The following ADAMTS16 variants were observed in gnomAD, a reference collection of about 807,000 sequenced individuals.
The protein encoded by ADAMTS16 is ADAM metallopeptidase with thrombospondin type 1 motif 16.
In ADAMTS16, 94 loss-of-function variants were observed where a neutral mutation model predicts 145.8. The ratio of observed to expected loss-of-function variants is 0.64; its 90% confidence interval spans 0.55 to 0.77. The LOEUF (loss-of-function observed/expected upper bound fraction) is 0.77, where lower values mean the gene tolerates loss of function less well. Among genes scored for constraint, ADAMTS16 ranks in the 30% least tolerant of loss-of-function variants. The pLI is 0.00. For synonymous variants in ADAMTS16, 659 were observed against 604.3 expected, an observed-to-expected ratio of 1.09 and a Z score of -1.33; for missense variants, 1,585 against 1,591.5, an observed-to-expected ratio of 1.00 and a Z score of 0.07.
At chr5:5,145,228 G>T (rs1034012721) in intron 2 of ADAMTS16, among the ~76,000 whole-genome samples, 3 of 152,180 alleles carry the variant, frequency 2.0e-5, no homozygotes, top group African/African-American at 7.2e-5. Flanking sequence ...CCAAATCACT[G>T]TGAGAATAAT....
intron 17 of ADAMTS16, among the ~76,000 whole-genome samples, chr5:5,245,037 C>T (rs192428779): frequency 8.5e-5 from 13 of 152,276 alleles, no homozygotes; most frequent in Admixed American, 8.5e-4. Context: ...GATCTCATTA[C>T]TCAATTTTAA....
intron 18 of ADAMTS16, among the ~76,000 whole-genome samples, chr5:5,264,981 A>T (rs981172996): frequency 6.6e-6 from 1 of 152,178 alleles, no homozygotes; most frequent in African/African-American, 2.4e-5. Flanking sequence ...CCACCCAGAC[A>T]GGCCTCCAGC....
chr5:5,271,782 C>T (rs1049350566), intron 18 of ADAMTS16, among the ~76,000 whole-genome samples: 3 of 152,130 alleles, frequency 2.0e-5, no homozygotes, highest in Non-Finnish European at 4.4e-5. Context: ...TAGATAACGC[C>T]GAGTAAGAGT....
intron 17 of ADAMTS16, among the ~76,000 whole-genome samples, chr5:5,251,787 C>A (rs564098396): frequency 5.9e-5 from 9 of 152,364 alleles, no homozygotes; most frequent in Admixed American, 3.9e-4. Context: ...CTGAGAAATG[C>A]AGATTCTCGG....
chr5:5,302,360 C>T (rs910163665), intron 18 of ADAMTS16, among the ~76,000 whole-genome samples: 1 of 152,220 alleles, frequency 6.6e-6, no homozygotes, highest in African/African-American at 2.4e-5. Context: ...GATAATCAGA[C>T]ATGATGAGCC....
At chr5:5,213,239 C>T (rs1206617491) in intron 10 of ADAMTS16, among the ~76,000 whole-genome samples, 1 of 152,150 alleles carries the variant, frequency 6.6e-6, no homozygotes, top group Non-Finnish European at 1.5e-5. Flanking sequence ...TCCTATAGGT[C>T]TGTTTCAAAG....
rs1467753035 is a variant in ADAMTS16, at chr5:5,286,713, CCAGGTG to C, written c.2790-16553_2790-16548del. ...CTCTACTAAAAATACAAAAAATTACCCAGGTGCGGTGGCGAGCACCTGTAGTCCCAG... is the reference window on the plus strand; with the variant it reads ...CTCTACTAAAAATACAAAAAATTACCCGGTGGCGAGCACCTGTAGTCCCAG... On this transcript the variant is annotated intron_variant, in intron 18 of 22. Transcript: ENST00000274181. Among the ~76,000 whole-genome samples the C allele has an allele frequency of 2.0e-5, 3 of 151,766 alleles. No individual in the cohort carries two copies. In the East Asian group the frequency reaches 5.8e-4, roughly 30 times the overall value.
chr5:5,275,856 A>C (rs1359166748), intron 18 of ADAMTS16, among the ~76,000 whole-genome samples: 3 of 130,074 alleles, frequency 2.3e-5, no homozygotes, highest in Non-Finnish European at 4.8e-5. Flanking sequence ...TTATCAAATG[A>C]AGAATCTATT....
At chr5:5,236,528 C>G (rs775227438) in intron 13 of ADAMTS16, among the ~76,000 whole-genome samples, 1 of 151,848 alleles carries the variant, frequency 6.6e-6, no homozygotes, top group Non-Finnish European at 1.5e-5. Context: ...TGTATTTTAC[C>G]AAATGCGTTA....
intron 3 of ADAMTS16, among the ~76,000 whole-genome samples, chr5:5,154,083 C>G (rs2126516208): frequency 1.3e-5 from 2 of 152,228 alleles, no homozygotes; most frequent in African/African-American, 4.8e-5. Context: ...TGAAATGCTG[C>G]CAGATTTTCA....
At chr5:5,236,826 C>G (rs1407093777) in intron 13 of ADAMTS16, 143 bp from the exon 14 acceptor site, 1 of 1,030,384 alleles carries the variant, frequency 9.7e-7, no homozygotes, top group African/African-American at 1.6e-5. Context: ...ATGAGGCAAC[C>G]ATTAAAAATG....
chr5:5,287,681 G>A (rs973894819), intron 18 of ADAMTS16, among the ~76,000 whole-genome samples: 1 of 152,150 alleles, frequency 6.6e-6, no homozygotes, highest in Non-Finnish European at 1.5e-5. Flanking sequence ...TTTCACGGAC[G>A]GTGTCAGCTT....
rs72647751 is a variant in ADAMTS16 at position 5,203,630 on chromosome 5, T to C, written c.1451+3361T>C. On this transcript the variant is annotated intron_variant, in intron 9 of 22. Transcript: ENST00000274181. ...CCTAGTCAATAAAGTCATGTGTCAT[T>C]TTCCATTAACCGACACAGACCTCAT... is the stretch of plus-strand genomic sequence containing the variant. Among the ~76,000 whole-genome samples, 1,385 of 152,316 alleles carry C rather than the reference T, an allele frequency of 9.1e-3. 8 individuals carry two copies. Among genetic ancestry groups the C allele is most frequent in the Middle Eastern group, 0.031 (9 of 294 alleles).
chr5:5,211,843 CA>C (rs1223221435), intron 10 of ADAMTS16, among the ~76,000 whole-genome samples: 9 of 151,958 alleles, frequency 5.9e-5, no homozygotes, highest in Non-Finnish European at 1.2e-4. Context: ...ATTTAATTGC[CA>C]AATAATTCTC....
intron 3 of ADAMTS16, among the ~76,000 whole-genome samples, chr5:5,165,692 C>G (rs1380367522): frequency 6.6e-6 from 1 of 152,166 alleles, no homozygotes; most frequent in African/African-American, 2.4e-5. Context: ...ACTTGATGAG[C>G]TCAGCATAGA....
chr5:5,288,409 A>G (rs1475348230), intron 18 of ADAMTS16, among the ~76,000 whole-genome samples: 1 of 152,218 alleles, frequency 6.6e-6, no homozygotes, highest in Non-Finnish European at 1.5e-5. Flanking sequence ...AGAGGCAGGA[A>G]AAGATATTTC....
At chr5:5,301,363 G>A (rs12110240) in intron 18 of ADAMTS16, among the ~76,000 whole-genome samples, 70,477 of 152,074 alleles carry the variant, frequency 0.46, 17,304 homozygotes, top group Non-Finnish European at 0.55. Flanking sequence ...GATTACAGGC[G>A]TGAGCTACCA....
intron 18 of ADAMTS16, among the ~76,000 whole-genome samples, chr5:5,291,772 T>C (rs1373637291): frequency 6.6e-6 from 1 of 152,018 alleles, no homozygotes; most frequent in Non-Finnish European, 1.5e-5. Flanking sequence ...TGTTGCCCTG[T>C]TGGTGCCTGG....
At chr5:5,200,469 T>C (rs530599345) in intron 9 of ADAMTS16, among the ~76,000 whole-genome samples, 200 bp downstream of exon 9, 1 of 152,332 alleles carries the variant, frequency 6.6e-6, no homozygotes, top group South Asian at 2.1e-4. Context: ...TAATCTGACA[T>C]TGATTCAAAG....
Sources: gnomAD v4.1 joint callset for allele counts (sites outside exome capture counted in the v4.1 genomes callset) on GRCh38, gnomAD v4.1.1 for gene constraint, MANE v1.5 for transcripts, NCBI Gene and HGNC (gene_info 2026-07-23, HGNC 2026-07-21) for gene names.